Variants in MRNIP observed in about 807,000 individuals in gnomAD.
The protein encoded by MRNIP is MRN complex-interacting protein.
Under a neutral mutation model 29.8 loss-of-function variants are expected in MRNIP, and 30 were observed. The observed-to-expected ratio is 1.01, with a 90% confidence interval of 0.75 to 1.36. MRNIP has a LOEUF of 1.36. Among genes scored for constraint, MRNIP ranks in the 40% most tolerant of loss-of-function variants. The pLI is 0.00. For synonymous variants in MRNIP, 201 were observed against 164.1 expected (o/e 1.23, Z -1.72); for missense variants, 459 against 423.5 (o/e 1.08, Z -0.74).
chr5:179,842,037 A>G lies in MRNIP; in HGVS notation c.319T>C (p.Trp107Arg). The change falls in exon 5 of 7, where the codon TGG becomes CGG. Residue 107 changes from tryptophan to arginine, a missense_variant. By Grantham distance (101) the Trp-to-Arg change is moderately radical. Coordinates refer to ENST00000292586, the MANE Select transcript of MRNIP (RefSeq NM_016175.4). ...QEKSQPSESR[W>R]LKYLEKDSQE... ...GAGTCCTTTTCTAGATACTTCAGCC[A>G]GCGACTCTCTGAGGGCTGCGATTTT... 1.2e-6 allele frequency: 2 copies of G among 1,614,140 alleles called. No individual in the cohort carries two copies. Among genetic ancestry groups the G allele is most frequent in the Non-Finnish European group, 8.5e-7 (1 of 1,180,026 alleles).
chr5:179,844,380 T>C (rs1372821272), intron 3 of MRNIP, 153 bp from the exon 4 acceptor site: 16 of 606,850 alleles, frequency 2.6e-5, no homozygotes, highest in Non-Finnish European at 4.7e-5. Context: ...CGGTGGTGCA[T>C]ACCTATATTC....
chr5:179,856,252 GAATT>G (rs1220421486), intron 1 of MRNIP, among the ~76,000 whole-genome samples: 1 of 152,026 alleles, frequency 6.6e-6, no homozygotes. Context: ...CCTGGTAAAG[GAATT>G]AATTGTGGGA....
intron 5 of MRNIP, chr5:179,841,695 C>T: frequency 1.7e-6 from 1 of 605,104 alleles, no homozygotes. Flanking sequence ...ACACGGGTGT[C>T]CTGCCCAGCC....
In MRNIP at chr5:179,844,760, C is replaced by T. The variant is rs2113550848; in HGVS notation, c.216-533G>A. Among the ~76,000 whole-genome samples the T allele has an allele frequency of 1.3e-5, 2 of 152,232 alleles. 1 individual carries two copies. The highest frequency in any genetic ancestry group is 6.8e-3 in the Middle Eastern group (2 of 294). ...TTTAAAAATCATTTTTCCAATTGTC[C>T]ACTGCATATATATAGAAATACAATT... On this transcript the variant is annotated intron_variant, in intron 3 of 6. Transcript: ENST00000292586.
intron 2 of MRNIP, 86 bp from the exon 3 acceptor site, chr5:179,848,152 A>G: frequency 9.9e-7 from 1 of 1,008,274 alleles, no homozygotes; most frequent in Non-Finnish European, 1.6e-6. Context: ...CTCAGGGAGG[A>G]CAAAGCTGTA....
chr5:179,844,190 TTTC>T lies in MRNIP; in HGVS notation c.250_252del (p.Glu84del), dbSNP rs1759029648. On this transcript the variant is annotated inframe_deletion, in exon 4 of 7. Transcript: ENST00000292586. ...TTCCCAGCCTGCTGGTGTCCCACGT[TTTC>T]TTCTTCACTGGCACTGACAGTTTCT... is the stretch of plus-strand genomic sequence containing the variant. 6.2e-7 allele frequency: 1 copy of T among 1,614,066 alleles called. No homozygotes were observed. Among genetic ancestry groups the T allele is most frequent in the South Asian group, 1.1e-5 (1 of 91,088 alleles).
chr5:179,851,923 A>G (rs1445614650), intron 2 of MRNIP, among the ~76,000 whole-genome samples: 1 of 149,878 alleles, frequency 6.7e-6, no homozygotes, highest in Non-Finnish European at 1.5e-5. Context: ...GCTTGCAGTG[A>G]GCGAGATCGC....
rs961995940 is a variant in MRNIP at position 179,858,775 on chromosome 5, G to C, written c.22C>G (p.Arg8Gly). 3.1e-5 allele frequency: 47 copies of C among 1,540,870 alleles called. No individual in the cohort carries two copies. The East Asian group carries it at 6.9e-4, about 23-fold the overall frequency. Residue 8 changes from arginine (R) to glycine (G), a missense_variant, in exon 1 of 7, where the codon CGG becomes GGG. Coordinates refer to ENST00000292586, the MANE Select transcript of MRNIP (RefSeq NM_016175.4). ...CGGCAGCTGCAGCAGCGTAGCACCC[G>C]AGAACGCTGAAGCGACGCCATCCCT... MASLQRS[R>G]VLRCCSCRLF...
intron 2 of MRNIP, 78 bp downstream of exon 2, chr5:179,853,300 G>A: frequency 6.2e-7 from 1 of 1,604,996 alleles, no homozygotes; most frequent in East Asian, 2.2e-5. Flanking sequence ...GATGATCCCA[G>A]CTGTGGCATG....
At chr5:179,856,857 G>A (rs2113578698) in intron 1 of MRNIP, among the ~76,000 whole-genome samples, 1 of 151,920 alleles carries the variant, frequency 6.6e-6, no homozygotes, top group African/African-American at 2.4e-5. Flanking sequence ...TGGGAGCTAA[G>A]GCGGGAAGAA....
At chr5:179,850,247 C>A (rs527787589) in intron 2 of MRNIP, among the ~76,000 whole-genome samples, 11 of 151,970 alleles carry the variant, frequency 7.2e-5, no homozygotes, top group Non-Finnish European at 1.0e-4. Flanking sequence ...GCAGATGGTA[C>A]GAGATGGAAT....
chr5:179,841,205 G>C (rs1385384911), intron 5 of MRNIP: 2 of 517,882 alleles, frequency 3.9e-6, no homozygotes, highest in Non-Finnish European at 6.9e-6. Context: ...GAGTGCAATG[G>C]CTCACTGCCG....
chr5:179,853,107 A>C (rs190351989), intron 2 of MRNIP: 3 of 810,626 alleles, frequency 3.7e-6, no homozygotes, highest in East Asian at 6.6e-5. Context: ...CAAGAATGAC[A>C]ATGGGCTTAC....
rs1465999812 is a variant in MRNIP, at chr5:179,843,045, GGA to G, written c.292-983_292-982del. Among the ~76,000 whole-genome samples, 205 of 109,796 alleles carry G rather than the reference GGA, an allele frequency of 1.9e-3. 1 individual carries two copies. The highest frequency in any genetic ancestry group is 7.2e-3 in the East Asian group (27 of 3,774). 72.0% of individuals were successfully genotyped at this position (109,796 alleles called of 152,430 possible). Reference sequence around the variant, plus strand: ...AGACTCTGTCGAAAGGAGGAAAGAAGGAAGGAAGGAAGGAAGGGAGGGAGGGA... The same window carrying G: ...AGACTCTGTCGAAAGGAGGAAAGAAGAGGAAGGAAGGAAGGGAGGGAGGGA... On this transcript the variant is annotated intron_variant, in intron 4 of 6. Transcript: ENST00000292586.
chr5:179,858,711 G>A lies in MRNIP; in HGVS notation c.66+20C>T. The stretch of plus-strand genomic sequence containing the variant: ...TGTCCCCGCGCCGGAGGAGGAGGAG[G>A]GGGCTGGCACCCGCCAGACCTGGTG... On this transcript the variant is annotated intron_variant, in intron 1 of 6. Coordinates refer to ENST00000292586, the MANE Select transcript of MRNIP (RefSeq NM_016175.4). The A allele has an allele frequency of 6.9e-7, 1 of 1,456,716 alleles. No homozygotes were observed. The allele number at this position is 1,456,716 out of a possible 1,614,324, so 90.2% of individuals were successfully genotyped here.
Position 179,841,772 on chromosome 5 carries a change from C to T in MRNIP, c.449+135G>A, listed in dbSNP as rs539800990. 206 of 922,798 alleles carry T rather than the reference C, an allele frequency of 2.2e-4. No individual in the cohort carries two copies. In the African/African-American group the frequency reaches 2.8e-3, roughly 13 times the overall value. The allele number at this position is 922,798 out of a possible 1,614,324, so 57.2% of individuals were successfully genotyped here. Reference sequence around the variant, plus strand: ...TGGGGCCAGCAGTGGCAGCAGCTGCCCGATTTCCCACCTGCTGGCACTTGC... The same window carrying T: ...TGGGGCCAGCAGTGGCAGCAGCTGCTCGATTTCCCACCTGCTGGCACTTGC... On this transcript the variant is annotated intron_variant, in intron 5 of 6. Transcript: ENST00000292586.
At chr5:179,855,565 C>T (rs923101346) in intron 1 of MRNIP, among the ~76,000 whole-genome samples, 2 of 152,194 alleles carry the variant, frequency 1.3e-5, no homozygotes, top group Non-Finnish European at 2.9e-5. Context: ...TATGAGCAGA[C>T]ATCTAATTAG....
At position 179,837,714 on chromosome 5, in the gene MRNIP, TAGG is replaced by T; in HGVS notation, c.706_708del (p.Pro236del). 1.2e-6 allele frequency: 2 copies of T among 1,614,250 alleles called. No individual in the cohort carries two copies. Among genetic ancestry groups the T allele is most frequent in the Non-Finnish European group, 1.7e-6 (2 of 1,180,038 alleles). ...TCACTGTCCACATGTGAACTTTTTC[TAGG>T]TGGCAGGACAAATTGCGCCCATTTA... On this transcript the variant is annotated inframe_deletion, in exon 7 of 7. Transcript: ENST00000292586.
chr5:179,837,322 A>T lies in MRNIP; in HGVS notation c.*69T>A. The T allele has an allele frequency of 6.3e-7, 1 of 1,589,520 alleles. No homozygotes were observed. The highest frequency in any genetic ancestry group is 8.6e-7 in the Non-Finnish European group (1 of 1,166,186). On this transcript the variant is annotated 3_prime_UTR_variant, in exon 7 of 7. Coordinates refer to ENST00000292586, the MANE Select transcript of MRNIP (RefSeq NM_016175.4). ...TTAATGGTTCTTACAGAGTATCTTT[A>T]AAAGTGCCTTAGGGGAACCCTGTCC...
Sources: allele counts gnomAD v4.1 joint callset (sites outside exome capture counted in the v4.1 genomes callset), GRCh38; gene constraint gnomAD v4.1.1; transcripts MANE v1.5; gene names NCBI Gene and HGNC (gene_info 2026-07-23, HGNC 2026-07-21).